SLC30A8: variants seen among roughly 807,000 people sequenced by gnomAD.
The protein encoded by SLC30A8 is proton-coupled zinc antiporter SLC30A8.
Under a neutral mutation model 36.9 loss-of-function variants are expected in SLC30A8, and 27 were observed. The observed-to-expected ratio is 0.73, with a 90% CI of 0.54 to 1.01. The LOEUF (loss-of-function observed/expected upper bound fraction) is 1.01. Ranked by LOEUF, SLC30A8 falls within the 50% of genes least tolerant of loss-of-function variation. SLC30A8 has a pLI of 0.00. For synonymous variants in SLC30A8, 164 were observed against 172.4 expected, an observed-to-expected ratio of 0.95 and a Z score of 0.38; for missense variants, 439 against 452.0, an observed-to-expected ratio of 0.97 and a Z score of 0.26.
chr8:117,065,887 C>T lies in SLC30A8; in HGVS notation c.-226+26629C>T, dbSNP rs1330660400. Among the ~76,000 whole-genome samples, 7 of 152,198 alleles carry T rather than the reference C, an allele frequency of 4.6e-5. No individual in the cohort carries two copies. In the East Asian group the frequency reaches 5.8e-4, roughly 13 times the overall value. The stretch of plus-strand genomic sequence containing the variant: ...GAAGATGTCCTGTGGAAGTTGGTGC[C>T]TTCCATTATGTGACTAGGGCTGGTG... On this transcript the variant is annotated intron_variant, in intron 2 of 10. Coordinates refer to the SLC30A8 transcript ENST00000427715.
chr8:116,996,543 C>A (rs542850937), intron 1 of SLC30A8, among the ~76,000 whole-genome samples: 41 of 152,144 alleles, frequency 2.7e-4, no homozygotes, highest in African/African-American at 9.6e-4. Flanking sequence ...TCCCTAAACC[C>A]CAACTCTCTT....
rs560780698 is a variant in SLC30A8 at position 116,987,936 on chromosome 8, T to C, written c.-266+36817T>C. Among the ~76,000 whole-genome samples, 810 of 152,320 alleles carry C rather than the reference T, an allele frequency of 5.3e-3. 5 individuals carry two copies. Among genetic ancestry groups the C allele is most frequent in the African/African-American group, 0.018 (769 of 41,582 alleles). ...CTGGTCTCGAACTCCTGACCTCAAGTGATCCGCCTGCCTTGGCCTCCCAAA... is the reference window on the plus strand; with the variant it reads ...CTGGTCTCGAACTCCTGACCTCAAGCGATCCGCCTGCCTTGGCCTCCCAAA... On this transcript the variant is annotated intron_variant, in intron 1 of 10. Coordinates refer to the SLC30A8 transcript ENST00000427715.
chr8:117,156,725 AATTT>A (rs1036396093), intron 3 of SLC30A8, among the ~76,000 whole-genome samples: 106 of 152,368 alleles, frequency 7.0e-4, no homozygotes, highest in African/African-American at 2.4e-3. Flanking sequence ...GTAAAAAGTG[AATTT>A]ATTTGAAAAA....
intron 2 of SLC30A8, among the ~76,000 whole-genome samples, chr8:117,125,567 T>C (rs980160344): frequency 1.3e-5 from 2 of 151,960 alleles, no homozygotes; most frequent in Admixed American, 6.6e-5. Flanking sequence ...GGTTGGAAAA[T>C]CAGTGTGGCT....
At chr8:116,955,451 C>T (rs1036319404) in intron 1 of SLC30A8, among the ~76,000 whole-genome samples, 4 of 151,906 alleles carry the variant, frequency 2.6e-5, no homozygotes, top group South Asian at 2.1e-4. Context: ...GAGGTTTGGC[C>T]GGGTGCGGTG....
At chr8:117,076,023 A>G (rs563550684) in intron 2 of SLC30A8, among the ~76,000 whole-genome samples, 34 of 152,282 alleles carry the variant, frequency 2.2e-4, no homozygotes, top group African/African-American at 8.2e-4. Context: ...ACCCTGGTGA[A>G]ATCCTGCTTC....
rs1394308566 is a variant in SLC30A8, at chr8:117,174,493, G to A, written c.*1812G>A. On this transcript the variant is annotated 3_prime_UTR_variant, in exon 8 of 8. Transcript: ENST00000456015. The stretch of plus-strand genomic sequence containing the variant: ...GCTTGTTTAGGCAACCAGGATTAGA[G>A]CTGCTCAGGTTCCCAACGTCTCCTG... 6.6e-6 allele frequency: 1 copy of A among 152,526 alleles called. No homozygotes were observed. The highest frequency in any genetic ancestry group is 1.5e-5 in the Non-Finnish European group (1 of 68,034). The allele number at this position is 152,526 out of a possible 1,614,324, so 9.4% of individuals were successfully genotyped here. A position where few individuals can be genotyped will look rare whatever the true frequency, so the allele number is the denominator to read the frequency against.
intron 1 of SLC30A8, among the ~76,000 whole-genome samples, chr8:116,977,141 C>CT (rs71305451): frequency 0.65 from 38,781 of 59,218 alleles, 13,663 homozygotes; most frequent in Non-Finnish European, 0.71. Context: ...CTTTTTCTTG[C>CT]TTTTTTTTTT....
At position 117,171,056 on chromosome 8, in the gene SLC30A8, C is replaced by T. The variant is rs536157462; in HGVS notation, c.852C>T (p.Tyr284=). 1.2e-6 allele frequency: 2 copies of T among 1,606,852 alleles called. No individual in the cohort carries two copies. The highest frequency in any genetic ancestry group is 1.1e-5 in the South Asian group (1 of 89,838). The change falls in exon 7 of 8, where the codon TAC becomes TAT. Residue 284 remains tyrosine, a synonymous_variant. Transcript: ENST00000456015. ...LMEGVPKSLN[Y]SGVKELILAV... ...CAGGTGTGCCAAAGAGCCTGAATTA[C>T]AGTGGTGTGAAAGAGCTTATTTTAG...
chr8:117,097,396 CAAAAAAA>C (rs1157294543), intron 2 of SLC30A8, among the ~76,000 whole-genome samples: 16 of 25,010 alleles, frequency 6.4e-4, no homozygotes, highest in South Asian at 1.8e-3. Flanking sequence ...GACTCCATCT[CAAAAAAA>C]AAAAAAAAAA....
At chr8:116,961,773 C>T (rs181571035) in intron 1 of SLC30A8, among the ~76,000 whole-genome samples, 9 of 151,996 alleles carry the variant, frequency 5.9e-5, no homozygotes, top group Non-Finnish European at 8.8e-5. Context: ...AGAGAGAGAG[C>T]ACCTACTTCC....
At chr8:117,015,546 C>G (rs967007796) in intron 1 of SLC30A8, among the ~76,000 whole-genome samples, 2 of 151,524 alleles carry the variant, frequency 1.3e-5, no homozygotes, top group Non-Finnish European at 2.9e-5. Flanking sequence ...ACCCCCCCCC[C>G]CCAAAAAAAA....
chr8:117,140,330 C>A (rs1040372419), intron 1 of SLC30A8, among the ~76,000 whole-genome samples: 1 of 151,988 alleles, frequency 6.6e-6, no homozygotes, highest in South Asian at 2.1e-4. Context: ...AGCAGAAAAA[C>A]AGTCAAAGAA....
chr8:116,978,507 A>G (rs1339921703), intron 1 of SLC30A8, among the ~76,000 whole-genome samples: 1 of 152,286 alleles, frequency 6.6e-6, no homozygotes, highest in Non-Finnish European at 1.5e-5. Context: ...GTGATTAGTA[A>G]TATTGCAAAC....
intron 1 of SLC30A8, among the ~76,000 whole-genome samples, chr8:116,994,059 G>A (rs965739117): frequency 4.0e-5 from 6 of 150,454 alleles, no homozygotes; most frequent in Non-Finnish European, 8.9e-5. Flanking sequence ...AAAAAAAAAA[G>A]AAAGAAAAAA....
At chr8:117,011,785 A>G (rs1816351826) in intron 1 of SLC30A8, among the ~76,000 whole-genome samples, 1 of 152,238 alleles carries the variant, frequency 6.6e-6, no homozygotes, top group Admixed American at 6.5e-5. Context: ...CTAATGGCAA[A>G]TAACTTTTAA....
At chr8:117,086,599 T>C (rs116697737) in intron 2 of SLC30A8, among the ~76,000 whole-genome samples, 5,007 of 152,148 alleles carry the variant, frequency 0.033, 194 homozygotes, top group African/African-American at 0.097. Context: ...AGCTGTAGAG[T>C]TGGATTTAGT....
At chr8:117,058,878 G>A (rs972746513) in intron 2 of SLC30A8, among the ~76,000 whole-genome samples, 2 of 152,240 alleles carry the variant, frequency 1.3e-5, no homozygotes, top group East Asian at 3.9e-4. Context: ...AGCTAGAGTT[G>A]AGAGGTTAAA....
chr8:116,957,129 C>T (rs1814238572), intron 1 of SLC30A8, among the ~76,000 whole-genome samples: 1 of 152,074 alleles, frequency 6.6e-6, no homozygotes, highest in Admixed American at 6.6e-5. Flanking sequence ...TATTTCTTTA[C>T]TTATAAAATC....
Sources: allele counts gnomAD v4.1 joint callset (sites outside exome capture counted in the v4.1 genomes callset), GRCh38; gene constraint gnomAD v4.1.1; transcripts MANE v1.5; gene names NCBI Gene and HGNC (gene_info 2026-07-23, HGNC 2026-07-21).